Variants in SUN1 observed in about 807,000 individuals in gnomAD.
The protein encoded by SUN1 is SUN domain-containing protein 1.
In SUN1, 61 loss-of-function variants were observed where a neutral mutation model predicts 103.2. The observed-to-expected ratio is 0.59, with a 90% confidence interval of 0.48 to 0.73. SUN1 has a LOEUF of 0.73. Among genes scored for constraint, SUN1 ranks in the 30% least tolerant of loss-of-function variants. The pLI, the probability that SUN1 is intolerant of heterozygous loss-of-function variation, is 0.00. For synonymous variants in SUN1, 490 were observed against 425.7 expected (o/e 1.15, Z -1.86); for missense variants, 1,052 against 1,034.6 (o/e 1.02, Z -0.23).
chr7:864,244 G>C (rs1834473614), intron 15 of SUN1, among the ~76,000 whole-genome samples: 1 of 152,062 alleles, frequency 6.6e-6, no homozygotes, highest in East Asian at 1.9e-4. Flanking sequence ...AATACTCTAA[G>C]TTATTTAAAA....
chr7:834,890 A>G (rs1801488428), intron 1 of SUN1, among the ~76,000 whole-genome samples: 1 of 152,156 alleles, frequency 6.6e-6, no homozygotes, highest in Non-Finnish European at 1.5e-5. Flanking sequence ...AGCCTGGCCA[A>G]CATGGTGAAA....
chr7:854,477 T>C (rs557840753), intron 10 of SUN1, among the ~76,000 whole-genome samples: 3 of 152,356 alleles, frequency 2.0e-5, no homozygotes, highest in Non-Finnish European at 2.9e-5. Flanking sequence ...TCAGTAGCCA[T>C]GAGTGGCTGG....
chr7:867,531 G>A (rs1426182541), intron 16 of SUN1, among the ~76,000 whole-genome samples: 1 of 152,156 alleles, frequency 6.6e-6, no homozygotes, highest in South Asian at 2.1e-4. Flanking sequence ...GGTGGTGAGA[G>A]CACAGCATGG....
At chr7:864,274 G>C (rs1327320772) in intron 15 of SUN1, among the ~76,000 whole-genome samples, 1 of 152,084 alleles carries the variant, frequency 6.6e-6, no homozygotes, top group Non-Finnish European at 1.5e-5. Flanking sequence ...TAGGCCAGGT[G>C]TAGTGGCTCA....
chr7:873,012 G>A (rs112219713), intron 18 of SUN1, among the ~76,000 whole-genome samples: 14 of 152,324 alleles, frequency 9.2e-5, no homozygotes, highest in African/African-American at 3.1e-4. Flanking sequence ...GCTTGAGCCC[G>A]GGAGGTGGAG....
At chr7:840,238 T>G (rs991605625) in intron 2 of SUN1, among the ~76,000 whole-genome samples, 2 of 152,150 alleles carry the variant, frequency 1.3e-5, no homozygotes, top group African/African-American at 4.8e-5. Context: ...CGCAAAGAGT[T>G]CGATTCCCAG....
upstream of SUN1, among the ~76,000 whole-genome samples, chr7:828,939 A>T (rs148423809): frequency 6.6e-6 from 1 of 152,332 alleles, no homozygotes; most frequent in Non-Finnish European, 1.5e-5. Flanking sequence ...TCCTGCACAA[A>T]GCTGGGTACC....
At chr7:849,301 C>A (rs1470809653) in intron 5 of SUN1, among the ~76,000 whole-genome samples, 1 of 152,238 alleles carries the variant, frequency 6.6e-6, no homozygotes, top group Non-Finnish European at 1.5e-5. Flanking sequence ...GGGCCACACA[C>A]ACGATTCAGC....
At chr7:819,208 G>C (rs1480629033) in intron 1 of SUN1, among the ~76,000 whole-genome samples, 1 of 76,710 alleles carries the variant, frequency 1.3e-5, no homozygotes, top group Admixed American at 1.4e-4. Flanking sequence ...TTTTTTTTTT[G>C]AGTTGTCAGA....
At chr7:869,645 G>A (rs1320710167) in intron 17 of SUN1, 129 bp downstream of exon 17, 2 of 1,142,026 alleles carry the variant, frequency 1.8e-6, no homozygotes, top group Non-Finnish European at 1.2e-6. Flanking sequence ...CAGATTCGGT[G>A]TTGAGGGGAA....
upstream of SUN1, among the ~76,000 whole-genome samples, chr7:831,252 G>A (rs1346931450): frequency 2.7e-5 from 4 of 150,052 alleles, no homozygotes; most frequent in Non-Finnish European, 4.4e-5. Flanking sequence ...TCCCTGGAAA[G>A]AACAAGAGTT....
rs945641734 is a variant in SUN1, at chr7:869,635, C to G, written c.2148+119C>G. 17 of 1,245,246 alleles carry G rather than the reference C, an allele frequency of 1.4e-5. No homozygotes were observed. The Admixed American group carries it at 3.7e-4, about 27-fold the overall frequency. The allele number at this position is 1,245,246 out of a possible 1,614,324, so 77.1% of individuals were successfully genotyped here. ...CTCCCGCTGCCCCTCCGCCCTCTCT[C>G]AGATTCGGTGTTGAGGGGAACATTC... On this transcript the variant is annotated intron_variant, in intron 17 of 18. Coordinates refer to ENST00000401592, the MANE Select transcript of SUN1 (RefSeq NM_001130965.3).
chr7:817,159 T>C (rs1781394952), intron 1 of SUN1: 4 of 471,190 alleles, frequency 8.5e-6, no homozygotes, highest in South Asian at 2.2e-5. Flanking sequence ...GGGGTCTCGC[T>C]GTGTTTCCCA....
At chr7:863,639 C>T (rs573835930) in intron 15 of SUN1, among the ~76,000 whole-genome samples, 3 of 152,350 alleles carry the variant, frequency 2.0e-5, no homozygotes, top group South Asian at 4.1e-4. Context: ...AACCCTGTGC[C>T]GCAAGTAGCC....
At chr7:858,686 G>A (rs1829740952) in intron 13 of SUN1, among the ~76,000 whole-genome samples, 1 of 152,234 alleles carries the variant, frequency 6.6e-6, no homozygotes, top group South Asian at 2.1e-4. Context: ...AGGCAGAGGA[G>A]AAAATCTAGA....
chr7:860,860 A>G (rs1831663720), intron 14 of SUN1, among the ~76,000 whole-genome samples: 1 of 152,072 alleles, frequency 6.6e-6, no homozygotes, highest in Non-Finnish European at 1.5e-5. Flanking sequence ...TATGCGAGGG[A>G]ACTCCCTTTA....
intron 10 of SUN1, among the ~76,000 whole-genome samples, chr7:854,659 C>T (rs1435725943): frequency 2.0e-5 from 3 of 152,226 alleles, no homozygotes; most frequent in African/African-American, 4.8e-5. Context: ...GGGAGGGTCA[C>T]CTGAGCCCAG....
At chr7:864,304 C>G (rs1834533634) in intron 15 of SUN1, among the ~76,000 whole-genome samples, 1 of 151,946 alleles carries the variant, frequency 6.6e-6, no homozygotes, top group Non-Finnish European at 1.5e-5. Flanking sequence ...TCCCAGCACT[C>G]TGGGAGGCTG....
chr7:852,751 A>G (rs1823450287), intron 8 of SUN1, 59 bp from the exon 9 acceptor site: 1 of 1,612,816 alleles, frequency 6.2e-7, no homozygotes, highest in Non-Finnish European at 8.5e-7. Context: ...TGAGCGTGTA[A>G]GTCCATGTTT....
Sources: allele counts gnomAD v4.1 joint callset (sites outside exome capture counted in the v4.1 genomes callset), GRCh38; gene constraint gnomAD v4.1.1; transcripts MANE v1.5; gene names NCBI Gene and HGNC (gene_info 2026-07-23, HGNC 2026-07-21).